Variants in SLC38A3 observed in about 807,000 individuals in gnomAD.
The protein encoded by SLC38A3 is sodium-coupled neutral amino acid transporter 3.
In SLC38A3, 17 loss-of-function variants were observed where a neutral mutation model predicts 59.5. That is an observed-to-expected ratio of 0.29 (90% CI 0.20 to 0.43). The LOEUF is 0.43. Among genes scored for constraint, SLC38A3 ranks in the 20% least tolerant of loss-of-function variants. The pLI, the probability that SLC38A3 is intolerant of heterozygous loss-of-function variation, is 1.00. For synonymous variants in SLC38A3, 238 were observed against 260.3 expected (o/e 0.91, Z 0.82); for missense variants, 454 against 653.9 (o/e 0.69, Z 3.33).
At position 50,208,884 on chromosome 3, in the gene SLC38A3, C is replaced by T. The variant is rs77438249; in HGVS notation, c.-52+3536C>T. On this transcript the variant is annotated intron_variant, in intron 1 of 15. Transcript: ENST00000614032. ...CTCTGTCCCTGTCTATCTCTCTTCCCTCCCTCTGCCTTTTCTTCCTGATGT... is the reference window on the plus strand; with the variant it reads ...CTCTGTCCCTGTCTATCTCTCTTCCTTCCCTCTGCCTTTTCTTCCTGATGT... 9.1e-3 allele frequency among the ~76,000 whole-genome samples: 1,389 copies of T among 152,322 alleles called. 20 individuals carry two copies. The highest frequency in any genetic ancestry group is 0.032 in the African/African-American group (1,332 of 41,562).
At position 50,217,668 on chromosome 3, in the gene SLC38A3, C is replaced by G. The variant is rs375075978; in HGVS notation, c.691-8C>G. ...AGTCTCTGACACCCTCATCCCTCCC[C>G]ACTCCAGGTCATCTACAAAAAGTTC... is the stretch of plus-strand genomic sequence containing the variant. On this transcript the variant is annotated splice_region_variant and splice_polypyrimidine_tract_variant and intron_variant, in intron 9 of 15. Coordinates refer to ENST00000614032, the MANE Select transcript of SLC38A3 (RefSeq NM_006841.6). This position sits in a 1 kb window ranked among gnomAD's most constrained non-coding sequence, Gnocchi z 4.9. 4 of 1,613,638 alleles carry G rather than the reference C, an allele frequency of 2.5e-6. No homozygotes were observed. Among genetic ancestry groups the G allele is most frequent in the Non-Finnish European group, 3.4e-6 (4 of 1,179,792 alleles).
rs1328486521 is a variant in SLC38A3, at chr3:50,217,552, G to A, written c.690+79G>A. The A allele has an allele frequency of 4.4e-5, 70 of 1,579,752 alleles. 1 individual carries two copies. The South Asian group carries it at 6.6e-4, about 15-fold the overall frequency. On this transcript the variant is annotated intron_variant, in intron 9 of 15. Coordinates refer to ENST00000614032, the MANE Select transcript of SLC38A3 (RefSeq NM_006841.6). This position sits in a 1 kb window ranked among gnomAD's most constrained non-coding sequence, Gnocchi z 4.9. ...GTTCCCTGTCATCAGGAGGGGGCAG[G>A]TGTCTCTGGGAAGCCTGGGCCAGAA...
chr3:50,220,354 C>T lies in SLC38A3; in HGVS notation c.*177C>T. On this transcript the variant is annotated 3_prime_UTR_variant, in exon 16 of 16. Transcript: ENST00000614032. ...TTTTGTTCAAGAGCCAGGACCAAGG[C>T]CCTTGGGCCACTACCCTGCTAGGCT... 1 of 608,988 alleles carries T rather than the reference C, an allele frequency of 1.6e-6. No homozygotes were observed. Among genetic ancestry groups the T allele is most frequent in the Non-Finnish European group, 2.9e-6 (1 of 343,332 alleles). The allele number at this position is 608,988 out of a possible 1,614,324, so 37.7% of individuals were successfully genotyped here.
chr3:50,220,065 T>G lies in SLC38A3; in HGVS notation c.1411-8T>G. The stretch of plus-strand genomic sequence containing the variant: ...CCTCGGACCTGACCCTGACTTCTGA[T>G]TCCACAGGCCCTGTGTTTTGCTATG... On this transcript the variant is annotated splice_region_variant and splice_polypyrimidine_tract_variant and intron_variant, in intron 15 of 15. Coordinates refer to ENST00000614032, the MANE Select transcript of SLC38A3 (RefSeq NM_006841.6). 6.2e-7 allele frequency: 1 copy of G among 1,604,554 alleles called. No homozygotes were observed. The highest frequency in any genetic ancestry group is 8.5e-7 in the Non-Finnish European group (1 of 1,175,048).
At position 50,218,887 on chromosome 3, in the gene SLC38A3, C is replaced by T; in HGVS notation, c.1245C>T (p.Leu415=). Reference sequence around the variant, plus strand: ...ATGTGCTTATTGCCGTTGGCCTGCTCACTTGTATCAACCTGCTGGTCATCT... The same window carrying T: ...ATGTGCTTATTGCCGTTGGCCTGCTTACTTGTATCAACCTGCTGGTCATCT... The part of the protein sequence containing the change: ...LRHVLIAVGL[L]TCINLLVIFA... The change falls in exon 14 of 16, where the codon CTC becomes CTT. Residue 415 remains leucine (L), a synonymous_variant. Transcript: ENST00000614032. The surrounding 1 kb of genome is among the most constrained non-coding windows in gnomAD (Gnocchi z 5.8). The T allele has an allele frequency of 6.2e-7, 1 of 1,613,734 alleles. No individual in the cohort carries two copies. Among genetic ancestry groups the T allele is most frequent in the South Asian group, 1.1e-5 (1 of 91,082 alleles).
chr3:50,220,634 C>G lies in SLC38A3; in HGVS notation c.*457C>G, dbSNP rs2109160710. 1 of 201,210 alleles carries G rather than the reference C, an allele frequency of 5.0e-6. No individual in the cohort carries two copies. The highest frequency in any genetic ancestry group is 1.0e-5 in the Non-Finnish European group (1 of 96,642). The allele number at this position is 201,210 out of a possible 1,614,324, so 12.5% of individuals were successfully genotyped here. ...CACTTGTTTTCCCCCCTTTTATTCCCTAGGCCCTTTTCAGACTCCTGGGCC... is the reference window on the plus strand; with the variant it reads ...CACTTGTTTTCCCCCCTTTTATTCCGTAGGCCCTTTTCAGACTCCTGGGCC... On this transcript the variant is annotated 3_prime_UTR_variant, in exon 16 of 16. Transcript: ENST00000614032.
rs1699773483 is a variant in SLC38A3, at chr3:50,214,041, G to A, written c.-51-108G>A. On this transcript the variant is annotated intron_variant, in intron 1 of 15. Coordinates refer to ENST00000614032, the MANE Select transcript of SLC38A3 (RefSeq NM_006841.6). This position sits in a 1 kb window ranked among gnomAD's most constrained non-coding sequence, Gnocchi z 6.0. ...TAGGCAGAGCTGCATGTGTGGATATGCCCCGAGTGACCATCTGGGAGGTGT... is the reference window on the plus strand; with the variant it reads ...TAGGCAGAGCTGCATGTGTGGATATACCCCGAGTGACCATCTGGGAGGTGT... 1 of 646,240 alleles carries A rather than the reference G, an allele frequency of 1.5e-6. No individual in the cohort carries two copies. The allele number at this position is 646,240 out of a possible 1,614,324, so 40.0% of individuals were successfully genotyped here.
intron 1 of SLC38A3, among the ~76,000 whole-genome samples, chr3:50,212,908 C>T (rs952275529): frequency 6.6e-6 from 1 of 152,166 alleles, no homozygotes; most frequent in African/African-American, 2.4e-5. Context: ...GATTCAGGAC[C>T]AGGTTCTGGC....
rs767684444 is a variant in SLC38A3 at position 50,214,451 on chromosome 3, A to G, written c.151A>G (p.Lys51Glu). Residue 51 changes from lysine (K) to glutamate (E), a missense_variant, in exon 3 of 16, where the codon AAA (lysine) becomes GAA (glutamate). By Grantham distance (56) the Lys-to-Glu change is moderately conservative (BLOSUM62 1). Transcript: ENST00000614032. The surrounding 1 kb of genome is among the most constrained non-coding windows in gnomAD (Gnocchi z 6.0). ...SCMEGKSFLQ[K>E]SPSKEPHFTD... ...TATGGAGGGCAAGAGCTTCCTACAG[A>G]AAAGTCCCAGCAAGGAGCCACACTT... 1.8e-5 allele frequency: 28 copies of G among 1,573,846 alleles called. No individual in the cohort carries two copies. The highest frequency in any genetic ancestry group is 2.0e-5 in the Non-Finnish European group (23 of 1,159,928).
chr3:50,209,042 C>T (rs1304698186), intron 1 of SLC38A3, among the ~76,000 whole-genome samples: 1 of 152,200 alleles, frequency 6.6e-6, no homozygotes, highest in Non-Finnish European at 1.5e-5. Context: ...AATATTTGGC[C>T]GCCTCCAGGG....
Position 50,215,160 on chromosome 3 carries a change from A to T in SLC38A3, c.300-226A>T. The T allele has an allele frequency of 1.7e-6, 1 of 585,480 alleles. No individual in the cohort carries two copies. 36.3% of individuals were successfully genotyped at this position (585,480 alleles called of 1,614,324 possible). ...GTGCTCAGAGGGCAGTCACAGGGAC[A>T]CTCTTGACCCAGAGGGCCCCTTCTG... is the stretch of plus-strand genomic sequence containing the variant. On this transcript the variant is annotated intron_variant, in intron 4 of 15. Coordinates refer to ENST00000614032, the MANE Select transcript of SLC38A3 (RefSeq NM_006841.6). This position sits in a 1 kb window ranked among gnomAD's most constrained non-coding sequence, Gnocchi z 7.1.
intron 1 of SLC38A3, among the ~76,000 whole-genome samples, chr3:50,210,711 C>T (rs902034456): frequency 2.0e-5 from 3 of 152,224 alleles, no homozygotes; most frequent in African/African-American, 7.2e-5. Context: ...GTGATGTTCG[C>T]GTGGGCGGGC....
intron 1 of SLC38A3, among the ~76,000 whole-genome samples, chr3:50,209,081 G>A (rs910023528): frequency 1.3e-5 from 2 of 152,204 alleles, no homozygotes; most frequent in Non-Finnish European, 1.5e-5. Context: ...AGGAGAATGG[G>A]CTGGCTGGCG....
chr3:50,211,170 CCCGATT>C (rs1335928791), intron 1 of SLC38A3, among the ~76,000 whole-genome samples: 2 of 152,316 alleles, frequency 1.3e-5, no homozygotes, highest in African/African-American at 4.8e-5. Flanking sequence ...CTGAGTTTAC[CCCGATT>C]CCGATTCCCG....
At chr3:50,206,363 C>T (rs1699647795) in intron 1 of SLC38A3, among the ~76,000 whole-genome samples, 1 of 152,266 alleles carries the variant, frequency 6.6e-6, no homozygotes, top group Non-Finnish European at 1.5e-5. Context: ...CCAACCCTGT[C>T]CTTTCTTCCA....
Position 50,220,955 on chromosome 3 carries a change from T to C in SLC38A3, c.*778T>C, listed in dbSNP as rs1699887284. On this transcript the variant is annotated 3_prime_UTR_variant, in exon 16 of 16. Coordinates refer to ENST00000614032, the MANE Select transcript of SLC38A3 (RefSeq NM_006841.6). Reference sequence around the variant, plus strand: ...GGTGGGGAGGCTGGCAGCCCTCTTTTATAAATATTATACATAAGACCAGCT... The same window carrying C: ...GGTGGGGAGGCTGGCAGCCCTCTTTCATAAATATTATACATAAGACCAGCT... 1 of 152,496 alleles carries C rather than the reference T, an allele frequency of 6.6e-6. No individual in the cohort carries two copies. The highest frequency in any genetic ancestry group is 2.4e-5 in the African/African-American group (1 of 41,440). The allele number at this position is 152,496 out of a possible 1,614,324, so 9.4% of individuals were successfully genotyped here.
rs1699889288 is a variant in SLC38A3 at position 50,221,094 on chromosome 3, ACAGGG to A, written c.*920_*924del. The A allele has an allele frequency of 6.6e-6, 1 of 152,218 alleles. No homozygotes were observed. Among genetic ancestry groups the A allele is most frequent in the East Asian group, 1.9e-4 (1 of 5,156 alleles). The allele number at this position is 152,218 out of a possible 1,614,324, so 9.4% of individuals were successfully genotyped here. On this transcript the variant is annotated 3_prime_UTR_variant, in exon 16 of 16. Coordinates refer to ENST00000614032, the MANE Select transcript of SLC38A3 (RefSeq NM_006841.6). The stretch of plus-strand genomic sequence containing the variant: ...CTCCTTGTCTGGGATGAGGGTGGGG[ACAGGG>A]CAAGTCCCCCACCCACCCCACCCCC...
chr3:50,211,104 T>A (rs1699720116), intron 1 of SLC38A3, among the ~76,000 whole-genome samples: 1 of 152,204 alleles, frequency 6.6e-6, no homozygotes, highest in Admixed American at 6.5e-5. Flanking sequence ...TACTCTGGGC[T>A]TTCACCACAG....
intron 1 of SLC38A3, among the ~76,000 whole-genome samples, chr3:50,209,828 T>A (rs13064707): frequency 6.6e-6 from 1 of 152,052 alleles, no homozygotes; most frequent in Non-Finnish European, 1.5e-5. Flanking sequence ...GGCCGGTAGT[T>A]CAGTTCTCTG....
Sources: allele counts gnomAD v4.1 joint callset (sites outside exome capture counted in the v4.1 genomes callset), GRCh38; gene constraint gnomAD v4.1.1; non-coding constraint Gnocchi (gnomAD v3.1); transcripts MANE v1.5; gene names NCBI Gene and HGNC (gene_info 2026-07-23, HGNC 2026-07-21).